Variants in HFM1 observed in about 807,000 individuals in gnomAD.
The protein encoded by HFM1 is probable ATP-dependent DNA helicase HFM1.
In HFM1, 169 loss-of-function variants were observed where a neutral mutation model predicts 192.1. The ratio of observed to expected loss-of-function variants is 0.88; its 90% confidence interval spans 0.78 to 1.00. The LOEUF is 1.00. Ranked by LOEUF, HFM1 falls within the 50% of genes least tolerant of loss-of-function variation. The pLI is 0.00. For synonymous variants in HFM1, 525 were observed against 537.8 expected (o/e 0.98, Z 0.33); for missense variants, 1,661 against 1,668.0 (o/e 1.00, Z 0.07).
intron 20 of HFM1, among the ~76,000 whole-genome samples, chr1:91,341,032 T>C (rs1171608214): frequency 6.6e-6 from 1 of 152,166 alleles, no homozygotes; most frequent in East Asian, 1.9e-4. Context: ...AGACAGATCA[T>C]CAGGGCAGAA....
intron 32 of HFM1, 74 bp downstream of exon 32, chr1:91,276,554 A>G: frequency 1.5e-6 from 1 of 663,876 alleles, no homozygotes; most frequent in Non-Finnish European, 2.5e-6. Context: ...TGGATACCTA[A>G]TTGACAGACA....
At chr1:91,272,016 A>C (rs1339325742) in intron 34 of HFM1, among the ~76,000 whole-genome samples, 1 of 152,106 alleles carries the variant, frequency 6.6e-6, no homozygotes, top group Non-Finnish European at 1.5e-5. Context: ...AATTTGTGAC[A>C]TTTTTTCTTC....
At chr1:91,266,634 T>C (rs1164908560) in intron 35 of HFM1, among the ~76,000 whole-genome samples, 1 of 152,216 alleles carries the variant, frequency 6.6e-6, no homozygotes, top group Non-Finnish European at 1.5e-5. Context: ...CTCATAATCA[T>C]TTAAAGTGCT....
chr1:91,400,480 C>CTTTTTTTT (rs112090967), intron 2 of HFM1, among the ~76,000 whole-genome samples: 2 of 139,062 alleles, frequency 1.4e-5, no homozygotes, highest in Non-Finnish European at 1.6e-5. Context: ...AGGCAAGAAT[C>CTTTTTTTT]TTTTTTTTTT....
Position 91,265,973 on chromosome 1 carries a change from G to A in HFM1, c.3974+44C>T, listed in dbSNP as rs1440972447. On this transcript the variant is annotated intron_variant, in intron 36 of 38. Coordinates refer to ENST00000370425, the MANE Select transcript of HFM1 (RefSeq NM_001017975.6). ...CCCATCTCCAACTATGTGTCAAGGG[G>A]ATATAAAGTTGCAAATATTACAAAC... 2.5e-6 allele frequency: 4 copies of A among 1,582,648 alleles called. No individual in the cohort carries two copies. The African/African-American group carries it at 5.5e-5, about 22-fold the overall frequency.
chr1:91,327,121 A>G (rs2101433642), intron 20 of HFM1, among the ~76,000 whole-genome samples: 1 of 152,240 alleles, frequency 6.6e-6, no homozygotes, highest in East Asian at 1.9e-4. Flanking sequence ...GGAAGAGAAG[A>G]CTGTAAAACA....
intron 13 of HFM1, among the ~76,000 whole-genome samples, chr1:91,374,521 A>G (rs938658445): frequency 7.2e-5 from 11 of 152,156 alleles, no homozygotes; most frequent in Admixed American, 6.6e-5. Flanking sequence ...TATTTGAGAT[A>G]TATTTAGAAG....
In HFM1 at chr1:91,379,084, G is replaced by C; in HGVS notation, c.1137C>G (p.Ala379=). The change falls in exon 9 of 39, where the codon GCC becomes GCG. Residue 379 remains alanine (A), a synonymous_variant. Coordinates refer to ENST00000370425, the MANE Select transcript of HFM1 (RefSeq NM_001017975.6). The part of the protein sequence containing the change: ...VMDDLFEIQH[A]HIIMTTPEKW... ...CTACTGGAGTTGTCATAATAATATG[G>C]GCATGCTGAATCTCAAATAGATCAT... 6.3e-7 allele frequency: 1 copy of C among 1,582,674 alleles called. No homozygotes were observed. The highest frequency in any genetic ancestry group is 1.2e-5 in the South Asian group (1 of 86,066).
rs1651118902 is a variant in HFM1 at position 91,315,861 on chromosome 1, T to C, written c.3094A>G (p.Ile1032Val). The C allele has an allele frequency of 1.2e-6, 2 of 1,611,146 alleles. No individual in the cohort carries two copies. The highest frequency in any genetic ancestry group is 4.5e-5 in the East Asian group (2 of 44,744). Residue 1032 changes from isoleucine to valine, a missense_variant, in exon 28 of 39, where the codon ATC becomes GTC. Physicochemically the swap from Ile to Val is conservative, Grantham distance 29. Coordinates refer to ENST00000370425, the MANE Select transcript of HFM1 (RefSeq NM_001017975.6). ...ACTTGATTATCTGCGTCACCTATGA[T>C]TAAGGTAACATAGTGAGAATCCGAT... The part of the protein sequence containing the change: ...TASDSHYVTL[I>V]IGDADNQVVY...
intron 30 of HFM1, among the ~76,000 whole-genome samples, chr1:91,287,199 C>T (rs879569683): frequency 6.6e-6 from 1 of 152,240 alleles, no homozygotes; most frequent in Non-Finnish European, 1.5e-5. Flanking sequence ...GGCTCCACCT[C>T]TGGGGGCAGC....
In HFM1 at chr1:91,273,798, AT is replaced by A; in HGVS notation, c.3685del (p.Ile1229TyrfsTer6). The A allele has an allele frequency of 6.4e-7, 1 of 1,566,710 alleles. No homozygotes were observed. The highest frequency in any genetic ancestry group is 1.1e-5 in the South Asian group (1 of 89,138). ...CTGCTCCATTATAGGCAATTCAGAT[AT>A]GTTTAAATATTCTGACCTTTATAAA... is the stretch of plus-strand genomic sequence containing the variant. The part of the protein sequence containing the change: ...PSISRSEYLN[I>X]SELPIMEQWD... On this transcript the variant is annotated frameshift_variant, in exon 34 of 39. Coordinates refer to ENST00000370425, the MANE Select transcript of HFM1 (RefSeq NM_001017975.6). LOFTEE classifies it high-confidence loss of function.
chr1:91,404,959 A>G (rs1227562648), upstream of HFM1: 2 of 434,826 alleles, frequency 4.6e-6, no homozygotes, highest in Non-Finnish European at 9.2e-6. Flanking sequence ...GGTTTTGAAT[A>G]TATCTCTTGC....
intron 4 of HFM1, among the ~76,000 whole-genome samples, chr1:91,388,198 T>C (rs963252770): frequency 1.2e-4 from 18 of 152,146 alleles, no homozygotes; most frequent in African/African-American, 4.3e-4. Context: ...CTCTGAGTCA[T>C]TCTAGCAAAT....
intron 30 of HFM1, among the ~76,000 whole-genome samples, chr1:91,291,754 G>C (rs1030285912): frequency 6.6e-6 from 1 of 151,800 alleles, no homozygotes; most frequent in Non-Finnish European, 1.5e-5. Context: ...AACCAAAAAA[G>C]AGAATTTTAG....
At chr1:91,357,972 G>A (rs1319714988) in intron 13 of HFM1, among the ~76,000 whole-genome samples, 1 of 152,194 alleles carries the variant, frequency 6.6e-6, no homozygotes, top group Non-Finnish European at 1.5e-5. Flanking sequence ...AAGATATCCT[G>A]TGTTGATGGA....
At chr1:91,390,596 G>C (rs1662842996) in intron 4 of HFM1, among the ~76,000 whole-genome samples, 1 of 152,102 alleles carries the variant, frequency 6.6e-6, no homozygotes, top group Non-Finnish European at 1.5e-5. Context: ...GAATTCATGG[G>C]ATATACCTCA....
chr1:91,352,144 A>T (rs1470778071), intron 16 of HFM1, among the ~76,000 whole-genome samples: 2 of 151,510 alleles, frequency 1.3e-5, no homozygotes, highest in Middle Eastern at 3.4e-3. Context: ...GGACCTAGGG[A>T]TGTTTCATGT....
chr1:91,364,632 A>ATATATATATATAT (rs753472335), intron 13 of HFM1, among the ~76,000 whole-genome samples: 4 of 66,816 alleles, frequency 6.0e-5, no homozygotes, highest in African/African-American at 2.6e-4. Context: ...ATATATATAT[A>ATATATATATATAT]TTTTTTTTTT....
At chr1:91,390,631 G>A (rs188734227) in intron 4 of HFM1, among the ~76,000 whole-genome samples, 1 of 152,112 alleles carries the variant, frequency 6.6e-6, no homozygotes, top group Middle Eastern at 3.4e-3. Flanking sequence ...ATTTATGACA[G>A]ACCCACAGCC....
Sources: allele counts gnomAD v4.1 joint callset (sites outside exome capture counted in the v4.1 genomes callset), GRCh38; gene constraint gnomAD v4.1.1; transcripts MANE v1.5; gene names NCBI Gene and HGNC (gene_info 2026-07-23, HGNC 2026-07-21).